MACROD2: variants seen among roughly 807,000 people sequenced by gnomAD.
MACROD2 encodes the protein mono-ADP ribosylhydrolase 2.
In MACROD2, 36 loss-of-function variants were observed where a neutral mutation model predicts 70.4. That is an observed-to-expected ratio of 0.51 (90% CI 0.39 to 0.68). The LOEUF (loss-of-function observed/expected upper bound fraction) is 0.68. Among genes scored for constraint, MACROD2 ranks in the 30% least tolerant of loss-of-function variants. MACROD2 has a pLI of 0.00. For synonymous variants in MACROD2, 172 were observed against 178.8 expected (o/e 0.96, Z 0.30); for missense variants, 496 against 538.4 (o/e 0.92, Z 0.78).
intron 5 of MACROD2, among the ~76,000 whole-genome samples, chr20:15,085,868 C>CA (rs1348441284): frequency 5.7e-4 from 63 of 110,610 alleles, no homozygotes; most frequent in African/African-American, 2.1e-3. Flanking sequence ...AACACACACA[C>CA]ACACAACACA....
chr20:15,442,569 T>A (rs1252370625), intron 7 of MACROD2, among the ~76,000 whole-genome samples: 1 of 152,096 alleles, frequency 6.6e-6, no homozygotes, highest in African/African-American at 2.4e-5. Context: ...AAAGTAGCAT[T>A]CATCACTTCC....
At chr20:14,573,429 A>G (rs749163829) in intron 4 of MACROD2, among the ~76,000 whole-genome samples, 38 of 152,228 alleles carry the variant, frequency 2.5e-4, no homozygotes, top group Admixed American at 1.3e-4. Flanking sequence ...ACAAAAATAT[A>G]GAAAGAACTA....
chr20:14,186,270 T>C (rs531754065), intron 3 of MACROD2, among the ~76,000 whole-genome samples: 1 of 152,240 alleles, frequency 6.6e-6, no homozygotes, highest in African/African-American at 2.4e-5. Flanking sequence ...ATCATATCAA[T>C]GTTTTTGCCA....
intron 3 of MACROD2, among the ~76,000 whole-genome samples, chr20:14,199,861 A>C (rs1188838740): frequency 1.3e-5 from 2 of 152,168 alleles, no homozygotes; most frequent in African/African-American, 4.8e-5. Flanking sequence ...AGGTAAGTGG[A>C]CTGTTGAAGA....
chr20:15,385,230 AATAATTTT>A (rs1245837448), intron 6 of MACROD2, among the ~76,000 whole-genome samples: 2 of 152,198 alleles, frequency 1.3e-5, no homozygotes, highest in Non-Finnish European at 2.9e-5. Context: ...ATTTGTCTTG[AATAATTTT>A]AAATTTAGCA....
At chr20:15,324,123 G>C (rs1416507527) in intron 6 of MACROD2, among the ~76,000 whole-genome samples, 1 of 151,972 alleles carries the variant, frequency 6.6e-6, no homozygotes, top group Non-Finnish European at 1.5e-5. Flanking sequence ...TTCCTCTAAA[G>C]TAACATCAAG....
intron 5 of MACROD2, among the ~76,000 whole-genome samples, chr20:14,840,173 G>A (rs2073072569): frequency 6.6e-6 from 1 of 151,938 alleles, no homozygotes; most frequent in African/African-American, 2.4e-5. Context: ...AAGTAGCTGG[G>A]ACTACAGGTG....
At chr20:14,901,625 C>T (rs1383516478) in intron 5 of MACROD2, among the ~76,000 whole-genome samples, 1 of 152,020 alleles carries the variant, frequency 6.6e-6, no homozygotes, top group East Asian at 1.9e-4. Context: ...GTTCAGGTTA[C>T]AATATGCTGT....
chr20:14,111,997 G>A (rs1259741955), intron 3 of MACROD2, among the ~76,000 whole-genome samples: 1 of 151,782 alleles, frequency 6.6e-6, no homozygotes, highest in Non-Finnish European at 1.5e-5. Flanking sequence ...AATATGGTAG[G>A]TACATATATA....
At chr20:15,840,878 C>T (rs565042299) in intron 8 of MACROD2, among the ~76,000 whole-genome samples, 2 of 152,188 alleles carry the variant, frequency 1.3e-5, no homozygotes, top group South Asian at 2.1e-4. Flanking sequence ...AGAATCCCCG[C>T]GCACTAAGTC....
chr20:15,491,061 T>C (rs956304200), intron 7 of MACROD2, among the ~76,000 whole-genome samples: 2 of 152,240 alleles, frequency 1.3e-5, no homozygotes, highest in African/African-American at 4.8e-5. Context: ...TAAATGCTAC[T>C]AAGTAGAGTG....
chr20:14,005,109 T>G (rs577475222), intron 2 of MACROD2, among the ~76,000 whole-genome samples: 1 of 152,308 alleles, frequency 6.6e-6, no homozygotes, highest in Admixed American at 6.5e-5. Flanking sequence ...ATTTGGATTT[T>G]AAGCCTTCTT....
chr20:15,664,379 C>T lies in MACROD2; in HGVS notation c.645+164532C>T, dbSNP rs74501038. Among the ~76,000 whole-genome samples, 13 of 152,268 alleles carry T rather than the reference C, an allele frequency of 8.5e-5. No homozygotes were observed. The East Asian group carries it at 2.5e-3, about 29-fold the overall frequency. On this transcript the variant is annotated intron_variant, in intron 8 of 17. Coordinates refer to ENST00000684519, the MANE Select transcript of MACROD2 (RefSeq NM_001351661.2). Reference sequence around the variant, plus strand: ...TTTCTTTAATGGGATGTAGTTTAAGCAGCATAAAATATTTATTTCTTGTAG... The same window carrying T: ...TTTCTTTAATGGGATGTAGTTTAAGTAGCATAAAATATTTATTTCTTGTAG...
At chr20:14,469,019 G>A (rs2084494526) in intron 3 of MACROD2, among the ~76,000 whole-genome samples, 1 of 152,122 alleles carries the variant, frequency 6.6e-6, no homozygotes, top group African/African-American at 2.4e-5. Flanking sequence ...TTTCTTCATA[G>A]TATCGATGGT....
chr20:15,250,256 G>T (rs969748234), intron 6 of MACROD2, among the ~76,000 whole-genome samples: 1 of 152,036 alleles, frequency 6.6e-6, no homozygotes, highest in African/African-American at 2.4e-5. Flanking sequence ...AGTGTTTTTT[G>T]CCCCAGGTAT....
At chr20:15,291,018 C>T (rs116053708) in intron 6 of MACROD2, among the ~76,000 whole-genome samples, 221 of 152,038 alleles carry the variant, frequency 1.5e-3, no homozygotes, top group African/African-American at 5.1e-3. Flanking sequence ...GAAGACAGGG[C>T]GGTAGGAGAA....
intron 15 of MACROD2, among the ~76,000 whole-genome samples, chr20:15,995,749 G>A (rs2147491558): frequency 6.9e-6 from 1 of 145,290 alleles, no homozygotes; most frequent in African/African-American, 2.5e-5. Context: ...ATGCCCTCAA[G>A]TTTCATCCAT....
intron 3 of MACROD2, among the ~76,000 whole-genome samples, chr20:14,182,088 T>A (rs1208552600): frequency 6.6e-6 from 1 of 152,212 alleles, no homozygotes; most frequent in East Asian, 1.9e-4. Context: ...GGCTACACCA[T>A]TTTACATTCC....
At chr20:15,145,366 A>AT (rs200455011) in intron 5 of MACROD2, among the ~76,000 whole-genome samples, 3,216 of 151,012 alleles carry the variant, frequency 0.021, 36 homozygotes, top group Middle Eastern at 0.11. Context: ...GAATTACTCT[A>AT]TTTTTTTTTG....
Sources: allele counts gnomAD v4.1 joint callset (sites outside exome capture counted in the v4.1 genomes callset), GRCh38; gene constraint gnomAD v4.1.1; transcripts MANE v1.5; gene names NCBI Gene and HGNC (gene_info 2026-07-23, HGNC 2026-07-21).